Variants in GALNT1 observed in about 807,000 individuals in gnomAD.
GALNT1 encodes the protein GalNAc transferase 1.
GALNT1 carries 17 observed loss-of-function variants against 65.7 expected under a neutral mutation model. That is an observed-to-expected ratio of 0.26 (90% CI 0.18 to 0.39). GALNT1 has a LOEUF of 0.39. Ranked by LOEUF, GALNT1 falls within the 10% of genes least tolerant of loss-of-function variation. GALNT1 has a pLI of 1.00. For synonymous variants in GALNT1, 210 were observed against 219.7 expected (o/e 0.96, Z 0.39); for missense variants, 460 against 672.8 (o/e 0.68, Z 3.50).
At chr18:35,636,783 GTT>G (rs58909585) in intron 1 of GALNT1, among the ~76,000 whole-genome samples, 3,524 of 63,978 alleles carry the variant, frequency 0.055, 40 homozygotes, top group African/African-American at 0.098. Flanking sequence ...ATACTACTTT[GTT>G]TTTTTTTTTT....
rs1326785769 is a variant in GALNT1 at position 35,677,628 on chromosome 18, A to G, written c.352A>G (p.Thr118Ala). Residue 118 changes from threonine to alanine, a missense_variant, in exon 4 of 12, where the codon ACA becomes GCA. Thr to Ala is a moderately conservative substitution (Grantham distance 58). Transcript: ENST00000269195. ...TKVYPDNLPT[T>A]SVVIVFHNEA... ...GGTGTATCCAGATAATCTTCCTACA[A>G]CAAGTGTGGTGATTGTTTTCCACAA... 1.9e-6 allele frequency: 3 copies of G among 1,612,710 alleles called. No individual in the cohort carries two copies. The highest frequency in any genetic ancestry group is 2.5e-6 in the Non-Finnish European group (3 of 1,179,180).
In GALNT1 at chr18:35,702,957, G is replaced by A. The variant is rs1234609418; in HGVS notation, c.1360G>A (p.Val454Ile). 2 of 1,611,592 alleles carry A rather than the reference G, an allele frequency of 1.2e-6. No homozygotes were observed. Among genetic ancestry groups the A allele is most frequent in the Non-Finnish European group, 1.7e-6 (2 of 1,179,100 alleles). The stretch of plus-strand genomic sequence containing the variant: ...CATGGCTAGAAAAGAGAATGAAAAA[G>A]TTGGAATTTTTAATTGCCATGGTAT... ...DNMARKENEKVGIFNCHGMGG... is the reference protein window; with the variant it reads ...DNMARKENEKIGIFNCHGMGG... Residue 454 changes from valine (V) to isoleucine (I), a missense_variant, in exon 10 of 12, where the codon GTT becomes ATT. Coordinates refer to ENST00000269195, the MANE Select transcript of GALNT1 (RefSeq NM_020474.4).
At chr18:35,610,858 C>T (rs1186490797) in intron 1 of GALNT1, among the ~76,000 whole-genome samples, 1 of 152,136 alleles carries the variant, frequency 6.6e-6, no homozygotes, top group African/African-American at 2.4e-5. Flanking sequence ...TAGTGTCTGG[C>T]TTCTCATAGC....
intron 1 of GALNT1, among the ~76,000 whole-genome samples, chr18:35,637,012 A>G (rs1228896511): frequency 1.3e-5 from 2 of 152,056 alleles, no homozygotes; most frequent in African/African-American, 4.8e-5. Flanking sequence ...GAGGTACCAC[A>G]AACTTGTGCC....
chr18:35,587,095 A>G (rs1216611459), intron 1 of GALNT1, among the ~76,000 whole-genome samples: 5 of 152,072 alleles, frequency 3.3e-5, no homozygotes, highest in Non-Finnish European at 7.4e-5. Context: ...TTGTAAGTAA[A>G]TATTTCTTTT....
chr18:35,691,213 G>C (rs374739940), intron 8 of GALNT1, 21 bp downstream of exon 8: 47 of 1,578,992 alleles, frequency 3.0e-5, no homozygotes, highest in African/African-American at 4.1e-5. Flanking sequence ...TTTTGCATTA[G>C]AAATACAAGG....
intron 3 of GALNT1, among the ~76,000 whole-genome samples, chr18:35,675,284 C>T (rs1332124912): frequency 1.3e-5 from 2 of 152,126 alleles, no homozygotes; most frequent in Non-Finnish European, 2.9e-5. Flanking sequence ...TGTACCTGTT[C>T]TGAGGTTAAT....
chr18:35,651,679 A>G (rs947837619), intron 1 of GALNT1, among the ~76,000 whole-genome samples: 1 of 152,192 alleles, frequency 6.6e-6, no homozygotes, highest in African/African-American at 2.4e-5. Context: ...TTTTAAGGAC[A>G]GCGAAGGACA....
chr18:35,666,643 T>G (rs941952635), intron 3 of GALNT1, among the ~76,000 whole-genome samples: 4 of 152,250 alleles, frequency 2.6e-5, no homozygotes, highest in African/African-American at 9.6e-5. Flanking sequence ...GAAGATACTT[T>G]TATTAATGAG....
At chr18:35,634,944 A>T (rs78845364) in intron 1 of GALNT1, among the ~76,000 whole-genome samples, 1,968 of 152,254 alleles carry the variant, frequency 0.013, 46 homozygotes, top group African/African-American at 0.045. Flanking sequence ...AGCAGTTGTG[A>T]TTATTATCAT....
intron 3 of GALNT1, among the ~76,000 whole-genome samples, chr18:35,670,164 T>A (rs1464966311): frequency 6.6e-6 from 1 of 151,972 alleles, no homozygotes; most frequent in African/African-American, 2.4e-5. Flanking sequence ...CAGTGGTGCA[T>A]GCCTATAGTC....
intron 9 of GALNT1, among the ~76,000 whole-genome samples, chr18:35,693,880 A>G (rs1412680662): frequency 1.3e-5 from 2 of 152,168 alleles, no homozygotes; most frequent in African/African-American, 4.8e-5. Flanking sequence ...GAGAAGACCG[A>G]GGACAATGCC....
rs556438492 is a variant in GALNT1, at chr18:35,679,280, T to C, written c.481+1523T>C. Among the ~76,000 whole-genome samples the C allele has an allele frequency of 9.8e-5, 15 of 152,362 alleles. No homozygotes were observed. In the South Asian group the frequency reaches 2.9e-3, roughly 29 times the overall value. Reference sequence around the variant, plus strand: ...GTGTCAATATTTGCTAGATTAAATATATTCTTCCAGAAGAGATACTTAACC... The same window carrying C: ...GTGTCAATATTTGCTAGATTAAATACATTCTTCCAGAAGAGATACTTAACC... On this transcript the variant is annotated intron_variant, in intron 4 of 11. Coordinates refer to ENST00000269195, the MANE Select transcript of GALNT1 (RefSeq NM_020474.4).
At chr18:35,636,813 A>G (rs1032239108) in intron 1 of GALNT1, among the ~76,000 whole-genome samples, 25 of 143,928 alleles carry the variant, frequency 1.7e-4, no homozygotes, top group African/African-American at 6.0e-4. Flanking sequence ...TTTTTTCAAC[A>G]AATGGAAAGT....
intron 1 of GALNT1, among the ~76,000 whole-genome samples, chr18:35,595,016 C>A (rs1326601137): frequency 6.6e-6 from 1 of 151,986 alleles, no homozygotes. Context: ...GAAATCAACT[C>A]ATTAGGGGAG....
At chr18:35,632,967 A>G (rs1329401459) in intron 1 of GALNT1, among the ~76,000 whole-genome samples, 1 of 152,246 alleles carries the variant, frequency 6.6e-6, no homozygotes, top group East Asian at 1.9e-4. Flanking sequence ...TGGCCATCAG[A>G]GAAATGCAAA....
chr18:35,629,919 A>C lies in GALNT1; in HGVS notation c.-103-24641A>C, dbSNP rs551318074. ...AGGGGTTGCAATCCTAGTTTCTGATAAGTCAGACTTTAAACCAACAAAGAT... is the reference window on the plus strand; with the variant it reads ...AGGGGTTGCAATCCTAGTTTCTGATCAGTCAGACTTTAAACCAACAAAGAT... On this transcript the variant is annotated intron_variant, in intron 1 of 11. Transcript: ENST00000269195. Among the ~76,000 whole-genome samples, 129 of 152,320 alleles carry C rather than the reference A, an allele frequency of 8.5e-4. 1 individual carries two copies. The highest frequency in any genetic ancestry group is 2.7e-3 in the African/African-American group (111 of 41,580).
chr18:35,689,774 T>C (rs2047927349), intron 7 of GALNT1, among the ~76,000 whole-genome samples: 2 of 152,226 alleles, frequency 1.3e-5, no homozygotes, highest in African/African-American at 4.8e-5. Flanking sequence ...TAAATTAATT[T>C]AACCCAGTCT....
At chr18:35,600,336 G>T (rs1198817007) in intron 1 of GALNT1, among the ~76,000 whole-genome samples, 2 of 151,998 alleles carry the variant, frequency 1.3e-5, no homozygotes, top group Non-Finnish European at 2.9e-5. Context: ...TTTGATGTTG[G>T]TGTGTATTAA....
Sources: gnomAD v4.1 joint callset for allele counts (sites outside exome capture counted in the v4.1 genomes callset) on GRCh38, gnomAD v4.1.1 for gene constraint, MANE v1.5 for transcripts, NCBI Gene and HGNC (gene_info 2026-07-23, HGNC 2026-07-21) for gene names.